MCF2: variants seen among roughly 807,000 people sequenced by gnomAD.
MCF2 encodes proto-oncogene DBL.
MCF2 carries 44 observed loss-of-function variants against 82.5 expected under a neutral mutation model. The observed-to-expected ratio is 0.53, with a 90% CI of 0.42 to 0.69. MCF2 has a LOEUF of 0.69. Among genes scored for constraint, MCF2 ranks in the 30% least tolerant of loss-of-function variants. The probability of loss-of-function intolerance (pLI) is 0.00; values close to 1 mark genes in which losing one functional copy is unlikely to be tolerated. For missense variants in MCF2, 623 were observed against 663.1 expected (o/e 0.94, Z 0.66); for synonymous variants, 217 against 224.9 (o/e 0.96, Z 0.32).
chrX:139,617,491 G>A, intron 8 of MCF2, 22 bp downstream of exon 11: 1 of 1,108,363 alleles, frequency 9.0e-7, no homozygotes, highest in Non-Finnish European at 1.2e-6. Context: ...TTTCAGAAAT[G>A]GATCATTTCC....
intron 1 of MCF2, among the ~76,000 whole-genome samples, chrX:139,663,420 C>A (rs1488915748): frequency 8.9e-6 from 1 of 111,759 alleles, no homozygotes. Flanking sequence ...TCCATTCAGT[C>A]TAATGTACAG....
At chrX:139,652,754 G>C (rs931547638) in intron 1 of MCF2, among the ~76,000 whole-genome samples, 4 of 110,784 alleles carry the variant, frequency 3.6e-5, no homozygotes, top group African/African-American at 1.3e-4. Context: ...CCTGCTCTCT[G>C]ACACAAAGTG....
At chrX:139,588,850 A>C (rs1929229752) in intron 20 of MCF2, among the ~76,000 whole-genome samples, 1 of 108,894 alleles carries the variant, frequency 9.2e-6, no homozygotes, top group African/African-American at 3.4e-5. Flanking sequence ...GAATCGCTTG[A>C]GCCTGGGAGG....
intron 1 of MCF2, among the ~76,000 whole-genome samples, chrX:139,656,761 C>T (rs780361681): frequency 1.8e-5 from 2 of 112,219 alleles, no homozygotes; most frequent in East Asian, 2.8e-4. Flanking sequence ...AATTTCCACA[C>T]GGATTTTTTC....
At position 139,692,009 on chromosome X, in the gene MCF2, C is replaced by A. The variant is rs1174675266; in HGVS notation, c.-45+16097G>T. 4 of 1,164,635 alleles carry A rather than the reference C, an allele frequency of 3.4e-6. No individual in the cohort carries two copies. In the East Asian group the frequency reaches 1.3e-4, roughly 38 times the overall value. On this transcript the variant is annotated intron_variant, in intron 1 of 27. Coordinates refer to the MCF2 transcript ENST00000414978. ...GCAGGGCCATGGCCATGTCCACCTGCAGAGGGATCGCCTGGGCTATCGGCA... is the reference window on the plus strand; with the variant it reads ...GCAGGGCCATGGCCATGTCCACCTGAAGAGGGATCGCCTGGGCTATCGGCA...
At chrX:139,660,294 A>G (rs2148538712) in intron 1 of MCF2, among the ~76,000 whole-genome samples, 1 of 112,109 alleles carries the variant, frequency 8.9e-6, no homozygotes, top group African/African-American at 3.2e-5. Flanking sequence ...TTCTTCCAGG[A>G]TGGGTTTCAT....
intron 5 of MCF2, 78 bp from the exon 9 acceptor site, chrX:139,626,385 A>G (rs1022340770): frequency 3.1e-6 from 2 of 641,107 alleles, no homozygotes; most frequent in African/African-American, 4.5e-5. Context: ...TGGTCTGGAC[A>G]TTAAGAATTA....
At position 139,629,846 on chromosome X, in the gene MCF2, T is replaced by C; in HGVS notation, c.289-2A>G. ...TGTGAGGGCAAAATTTTCTATAGCCTGCAAAGAGCCGGTGATTACTTTAAT... is the reference window on the plus strand; with the variant it reads ...TGTGAGGGCAAAATTTTCTATAGCCCGCAAAGAGCCGGTGATTACTTTAAT... On this transcript the variant is annotated splice_acceptor_variant, in intron 3 of 24. Coordinates refer to ENST00000370576, the Ensembl canonical transcript of MCF2. LOFTEE classifies it high-confidence loss of function. 1 of 1,202,167 alleles carries C rather than the reference T, an allele frequency of 8.3e-7. No homozygotes were observed. Among genetic ancestry groups the C allele is most frequent in the Non-Finnish European group, 1.1e-6 (1 of 888,714 alleles).
intron 1 of MCF2, among the ~76,000 whole-genome samples, chrX:139,675,715 G>A: frequency 8.9e-6 from 1 of 111,905 alleles, no homozygotes; most frequent in Non-Finnish European, 1.9e-5. Flanking sequence ...AGGGGCACCT[G>A]CCTGTATGAG....
intron 19 of MCF2, among the ~76,000 whole-genome samples, chrX:139,595,748 A>G (rs1304733674): frequency 9.1e-6 from 1 of 109,681 alleles, no homozygotes; most frequent in Non-Finnish European, 1.9e-5. Context: ...TAAAAAAATA[A>G]AAAATAAAAA....
rs146945583 is a variant in MCF2 at position 139,639,362 on chromosome X, T to A, written c.51+3106A>T. Among the ~76,000 whole-genome samples, 847 of 111,635 alleles carry A rather than the reference T, an allele frequency of 7.6e-3. 8 individuals carry two copies. The highest frequency in any genetic ancestry group is 0.027 in the African/African-American group (818 of 30,683). ...CATTGGTTTTAGGTTCTCGCAGACA[T>A]TTTTCTGGAGTTCCAGCATGTGACT... On this transcript the variant is annotated intron_variant, in intron 1 of 24. Coordinates refer to ENST00000370576, the Ensembl canonical transcript of MCF2.
intron 22 of MCF2, among the ~76,000 whole-genome samples, chrX:139,587,481 T>C (rs111341312): frequency 0.025 from 2,768 of 111,694 alleles, 42 homozygotes; most frequent in East Asian, 0.082. Flanking sequence ...CAATGATATA[T>C]TAAAAATAAA....
chrX:139,675,202 A>C (rs1934830320), intron 1 of MCF2, among the ~76,000 whole-genome samples: 1 of 104,805 alleles, frequency 9.5e-6, no homozygotes, highest in Non-Finnish European at 1.9e-5. Flanking sequence ...CCATTCGTCT[A>C]ATCTTTTTTC....
chrX:139,642,367 T>G, intron 1 of MCF2: 1 of 1,100,537 alleles, frequency 9.1e-7, no homozygotes, highest in Non-Finnish European at 1.3e-6. Context: ...CATCTGTCCT[T>G]AAAAACCCTA....
At chrX:139,696,346 C>CTCTT (rs1935383065) in intron 1 of MCF2, among the ~76,000 whole-genome samples, 4 of 31,815 alleles carry the variant, frequency 1.3e-4, no homozygotes, top group East Asian at 3.3e-3. Context: ...TCTCTTCTCT[C>CTCTT]CTCTCCTCTC....
At chrX:139,626,221 A>G (rs750897234) in exon 6 of MCF2, 3 of 1,196,325 alleles carry the variant, frequency 2.5e-6, no homozygotes, top group Non-Finnish European at 2.3e-6. Context: ...AAACTTCCAT[A>G]GTTGCAGATA....
At chrX:139,608,259 G>A (rs1931209012) in intron 11 of MCF2, among the ~76,000 whole-genome samples, 1 of 108,275 alleles carries the variant, frequency 9.2e-6, no homozygotes, top group South Asian at 4.0e-4. Flanking sequence ...CTAATGATTC[G>A]ATGGCATCAT....
chrX:139,698,691 A>T (rs2210038), intron 1 of MCF2, among the ~76,000 whole-genome samples: 2,705 of 111,648 alleles, frequency 0.024, 108 homozygotes, highest in East Asian at 0.17. Context: ...TGACCTGGTT[A>T]TTTCTCAAAA....
intron 19 of MCF2, among the ~76,000 whole-genome samples, chrX:139,593,899 A>G (rs1439130134): frequency 1.8e-5 from 2 of 110,785 alleles, no homozygotes; most frequent in East Asian, 2.8e-4. Context: ...AAATCAATGT[A>G]CAAAAATCAC....
Sources: allele counts gnomAD v4.1 joint callset (sites outside exome capture counted in the v4.1 genomes callset), GRCh38; gene constraint gnomAD v4.1.1; transcripts MANE v1.5; gene names NCBI Gene and HGNC (gene_info 2026-07-23, HGNC 2026-07-21).